SDC1: variants seen among roughly 807,000 people sequenced by gnomAD.
SDC1 encodes syndecan-1.
Under a neutral mutation model 29.7 loss-of-function variants are expected in SDC1, and 14 were observed. That is an observed-to-expected ratio of 0.47 (90% CI 0.31 to 0.74). The LOEUF (loss-of-function observed/expected upper bound fraction) is 0.74. Among genes scored for constraint, SDC1 ranks in the 30% least tolerant of loss-of-function variants. The pLI, the probability that SDC1 is intolerant of heterozygous loss-of-function variation, is 0.05. For synonymous variants in SDC1, 204 were observed against 175.5 expected (o/e 1.16, Z -1.29); for missense variants, 406 against 400.3 (o/e 1.01, Z -0.12).
At chr2:20,212,849 G>A (rs892490555) in intron 1 of SDC1, among the ~76,000 whole-genome samples, 32 of 152,016 alleles carry the variant, frequency 2.1e-4, no homozygotes, top group African/African-American at 7.0e-4. Flanking sequence ...ACTTGGAGAC[G>A]GACCCCTCAC....
At position 20,215,778 on chromosome 2, in the gene SDC1, G is replaced by A. The variant is rs942947018; in HGVS notation, c.66+9024C>T. Reference sequence around the variant, plus strand: ...ACACAGGGAGGAAGCAATGAAGTCCGGATGTGATCCAGGTGGGCTAGACTC... The same window carrying A: ...ACACAGGGAGGAAGCAATGAAGTCCAGATGTGATCCAGGTGGGCTAGACTC... On this transcript the variant is annotated intron_variant, in intron 1 of 4. Coordinates refer to ENST00000254351, the MANE Select transcript of SDC1 (RefSeq NM_002997.5). 3.3e-5 allele frequency among the ~76,000 whole-genome samples: 5 copies of A among 152,220 alleles called. No individual in the cohort carries two copies. The South Asian group carries it at 8.3e-4, about 25-fold the overall frequency.
intron 1 of SDC1, among the ~76,000 whole-genome samples, chr2:20,213,148 C>T (rs1677524261): frequency 6.6e-6 from 1 of 152,204 alleles, no homozygotes; most frequent in Non-Finnish European, 1.5e-5. Context: ...CCAGCACCCC[C>T]ATACCTACCC....
In SDC1 at chr2:20,225,095, A is replaced by G. The variant is rs1426734210; in HGVS notation, c.-228T>C. ...CTCCCGCCGAGCTCCGCCTTATAAT[A>G]AACCCACAGGCCCTTCCTTAGCCGT... is the stretch of plus-strand genomic sequence containing the variant. On this transcript the variant is annotated 5_prime_UTR_variant, in exon 1 of 5. Coordinates refer to ENST00000254351, the MANE Select transcript of SDC1 (RefSeq NM_002997.5). The G allele has an allele frequency of 2.6e-6, 1 of 392,014 alleles. No individual in the cohort carries two copies. The highest frequency in any genetic ancestry group is 4.1e-6 in the Non-Finnish European group (1 of 246,368). The allele number at this position is 392,014 out of a possible 1,614,324, so 24.3% of individuals were successfully genotyped here.
intron 1 of SDC1, among the ~76,000 whole-genome samples, chr2:20,212,603 T>A (rs1677501875): frequency 6.6e-6 from 1 of 152,130 alleles, no homozygotes; most frequent in African/African-American, 2.4e-5. Flanking sequence ...CAAGGCAGCA[T>A]CAGCATTTCC....
At chr2:20,223,307 CAATA>C (rs1414617908) in intron 1 of SDC1, 1 of 1,291,632 alleles carries the variant, frequency 7.7e-7, no homozygotes, top group Non-Finnish European at 1.0e-6. Context: ...CCAAAGCGCT[CAATA>C]ACTGGCAGCT....
intron 1 of SDC1, chr2:20,223,178 G>A: frequency 8.5e-7 from 1 of 1,172,580 alleles, no homozygotes; most frequent in South Asian, 1.3e-5. Context: ...TCCTGGACCG[G>A]AAAATGTCTG....
At chr2:20,219,093 G>A (rs958512724) in intron 1 of SDC1, among the ~76,000 whole-genome samples, 6 of 152,118 alleles carry the variant, frequency 3.9e-5, no homozygotes, top group East Asian at 1.9e-4. Flanking sequence ...AGGTCCAGCC[G>A]CCGCCTGTTC....
At chr2:20,217,480 TGCACACCCAAAA>T (rs1232055343) in intron 1 of SDC1, among the ~76,000 whole-genome samples, 5 of 152,102 alleles carry the variant, frequency 3.3e-5, no homozygotes, top group Non-Finnish European at 7.4e-5. Flanking sequence ...CAAGAGGCCA[TGCACACCCAAAA>T]GCATTGCCTC....
At chr2:20,209,906 C>T (rs1407201861) in intron 1 of SDC1, among the ~76,000 whole-genome samples, 1 of 152,250 alleles carries the variant, frequency 6.6e-6, no homozygotes, top group African/African-American at 2.4e-5. Context: ...CAGTCGCTAA[C>T]CCGAGAGGTT....
At chr2:20,221,759 G>A (rs1233783507) in intron 1 of SDC1, among the ~76,000 whole-genome samples, 3 of 152,068 alleles carry the variant, frequency 2.0e-5, no homozygotes, top group Admixed American at 2.0e-4. Context: ...CTTTCTTACT[G>A]TCTCCCTACC....
At position 20,202,114 on chromosome 2, in the gene SDC1, A is replaced by G. The variant is rs1262203978; in HGVS notation, c.*652T>C. On this transcript the variant is annotated 3_prime_UTR_variant, in exon 5 of 5. Coordinates refer to ENST00000254351, the MANE Select transcript of SDC1 (RefSeq NM_002997.5). ...TCCTAGTTTAAAAAAAAAAAAAAAA[A>G]GTCTTCTTAACCCTGATGCTGTCTC... 15 of 509,776 alleles carry G rather than the reference A, an allele frequency of 2.9e-5. No individual in the cohort carries two copies. Among genetic ancestry groups the G allele is most frequent in the Admixed American group, 3.8e-5 (1 of 26,012 alleles). 31.6% of individuals were successfully genotyped at this position (509,776 alleles called of 1,614,324 possible).
chr2:20,205,334 C>T lies in SDC1; in HGVS notation c.148+9G>A. On this transcript the variant is annotated intron_variant, in intron 2 of 4. Transcript: ENST00000254351. ...TCTTGGGTGGGGGGGGCCCCCATGACAACCTCACCTGCACCTGAGCCGGAG... is the reference window on the plus strand; with the variant it reads ...TCTTGGGTGGGGGGGGCCCCCATGATAACCTCACCTGCACCTGAGCCGGAG... 4 of 1,612,896 alleles carry T rather than the reference C, an allele frequency of 2.5e-6. No homozygotes were observed. Among genetic ancestry groups the T allele is most frequent in the Non-Finnish European group, 3.4e-6 (4 of 1,179,312 alleles).
chr2:20,214,832 T>C (rs1198698839), intron 1 of SDC1, among the ~76,000 whole-genome samples: 1 of 152,132 alleles, frequency 6.6e-6, no homozygotes, highest in African/African-American at 2.4e-5. Context: ...GAAAAAGTGA[T>C]CATAGCTAAT....
Position 20,203,090 on chromosome 2 carries a change from C to T in SDC1, c.760G>A (p.Gly254Arg), listed in dbSNP as rs997074143. 6.2e-7 allele frequency: 1 copy of T among 1,600,400 alleles called. No homozygotes were observed. The highest frequency in any genetic ancestry group is 8.5e-7 in the Non-Finnish European group (1 of 1,170,338). ...ACCCCCCTGAAAGAAAACTCACCTC[C>T]CAGCACCTCTTTCCTGTCCAGGAGG... The part of the protein sequence containing the change: ...QGLLDRKEVL[G>R]GVIAGGLVGL... The change falls in exon 4 of 5, where the codon GGA (glycine) becomes AGA (arginine). Residue 254 changes from glycine to arginine, a missense_variant. Physicochemically the swap from Gly to Arg is moderately radical, Grantham distance 125 (BLOSUM62 -2). Transcript: ENST00000254351.
At chr2:20,214,013 A>C (rs572115537) in intron 1 of SDC1, among the ~76,000 whole-genome samples, 1 of 152,304 alleles carries the variant, frequency 6.6e-6, no homozygotes, top group South Asian at 2.1e-4. Context: ...CAGCACTCAC[A>C]CTACAGCATA....
intron 1 of SDC1, among the ~76,000 whole-genome samples, chr2:20,206,349 C>T (rs1256055558): frequency 2.6e-5 from 4 of 152,112 alleles, no homozygotes; most frequent in African/African-American, 9.7e-5. Flanking sequence ...TTCCTGAGGC[C>T]GGGGCTGACT....
At chr2:20,207,573 T>C (rs1049272650) in intron 1 of SDC1, 1 of 168,326 alleles carries the variant, frequency 5.9e-6, no homozygotes, top group Admixed American at 6.5e-5. Flanking sequence ...GGCATGGTGG[T>C]GCGGGCCTAT....
chr2:20,202,754 A>T lies in SDC1; in HGVS notation c.*12T>A, dbSNP rs1335636412. The T allele has an allele frequency of 6.3e-7, 1 of 1,585,614 alleles. No homozygotes were observed. ...GTGAGTGGCAGGGCGGAGGGGGCGCATGGCTCCCGCGTCAGGCATAGAATT... is the reference window on the plus strand; with the variant it reads ...GTGAGTGGCAGGGCGGAGGGGGCGCTTGGCTCCCGCGTCAGGCATAGAATT... On this transcript the variant is annotated 3_prime_UTR_variant, in exon 5 of 5. Transcript: ENST00000254351.
In SDC1 at chr2:20,202,719, TG is replaced by T; in HGVS notation, c.*46del. ...TGCAGTTCTTCAAGGAAGAGGCAAG[TG>T]GGGGCCTAGTGAGTGGCAGGGCGGA... On this transcript the variant is annotated 3_prime_UTR_variant, in exon 5 of 5. Coordinates refer to ENST00000254351, the MANE Select transcript of SDC1 (RefSeq NM_002997.5). The T allele has an allele frequency of 6.5e-7, 1 of 1,530,080 alleles. No homozygotes were observed. Among genetic ancestry groups the T allele is most frequent in the Non-Finnish European group, 8.8e-7 (1 of 1,133,572 alleles). The allele number at this position is 1,530,080 out of a possible 1,614,324, so 94.8% of individuals were successfully genotyped here.
Sources: gnomAD v4.1 joint callset for allele counts (sites outside exome capture counted in the v4.1 genomes callset) on GRCh38, gnomAD v4.1.1 for gene constraint, MANE v1.5 for transcripts, NCBI Gene and HGNC (gene_info 2026-07-23, HGNC 2026-07-21) for gene names.